The following RANBP2 variants were observed in gnomAD, a reference collection of about 807,000 sequenced individuals.
The protein encoded by RANBP2 is RAN binding protein 2.
A neutral mutation model predicts 303.6 loss-of-function variants in RANBP2; 57 were observed. The observed-to-expected ratio is 0.19, with a 90% CI of 0.15 to 0.23. The LOEUF (loss-of-function observed/expected upper bound fraction) is 0.23, where lower values mean the gene tolerates loss of function less well. RANBP2 is among the 10% of genes least tolerant of loss of function. The pLI, the probability that RANBP2 is intolerant of heterozygous loss-of-function variation, is 1.00. For missense variants in RANBP2, 3,138 were observed against 3,780.8 expected (o/e 0.83, Z 4.46); for synonymous variants, 1,167 against 1,301.5 (o/e 0.90, Z 2.23).
the RANBP2 span, among the ~76,000 whole-genome samples, chr2:108,822,462 A>G: frequency 7.9e-5 from 12 of 152,210 alleles, 1 homozygote; most frequent in Admixed American, 5.9e-4. Context: ...TCTGTCAGAC[A>G]TATACAGAAC....
At position 108,783,703 on chromosome 2, in the gene RANBP2, C is replaced by T; in HGVS notation, c.9477C>T (p.Ser3159=). The T allele has an allele frequency of 6.2e-7, 1 of 1,610,986 alleles. No individual in the cohort carries two copies. The highest frequency in any genetic ancestry group is 2.2e-5 in the East Asian group (1 of 44,820). Reference sequence around the variant, plus strand: ...AACATACTGGTCCTGGTTTACTATCCATGGCCAATCAAGGCCAGAATACCA... The same window carrying T: ...AACATACTGGTCCTGGTTTACTATCTATGGCCAATCAAGGCCAGAATACCA... ...DVKHTGPGLL[S]MANQGQNTNN... Residue 3159 remains serine, a synonymous_variant, in exon 29 of 29, where the codon TCC becomes TCT. Transcript: ENST00000283195.
At chr2:109,672,542 A>G in the RANBP2 span, among the ~76,000 whole-genome samples, 1 of 152,172 alleles carries the variant, frequency 6.6e-6, no homozygotes, top group East Asian at 1.9e-4. Flanking sequence ...GTCTTTAAGA[A>G]CCTGCAGTGT....
At chr2:109,689,648 A>G in the RANBP2 span, among the ~76,000 whole-genome samples, 2 of 152,072 alleles carry the variant, frequency 1.3e-5, no homozygotes, top group Non-Finnish European at 2.9e-5. Context: ...TTTTCCCGCT[A>G]CATTCTGGTT....
the RANBP2 span, among the ~76,000 whole-genome samples, chr2:109,316,499 A>T: frequency 0.31 from 47,377 of 151,976 alleles, 9,141 homozygotes; most frequent in African/African-American, 0.55. Flanking sequence ...CATGGAGAGA[A>T]CTTATCACTC....
At chr2:109,512,722 G>C in the RANBP2 span, among the ~76,000 whole-genome samples, 1 of 152,142 alleles carries the variant, frequency 6.6e-6, no homozygotes, top group African/African-American at 2.4e-5. Context: ...CCCTCAGGTA[G>C]CATCTTTGAC....
the RANBP2 span, among the ~76,000 whole-genome samples, chr2:109,103,482 CGGGTG>C: frequency 1.1e-4 from 17 of 152,060 alleles, no homozygotes; most frequent in African/African-American, 4.1e-4. Flanking sequence ...AACTGGAAGG[CGGGTG>C]GGGTGGGGGC....
the RANBP2 span, among the ~76,000 whole-genome samples, chr2:109,608,610 G>A: frequency 6.6e-6 from 1 of 152,140 alleles, no homozygotes; most frequent in Non-Finnish European, 1.5e-5. Context: ...TTTACTAAAA[G>A]TAATACCAAC....
the RANBP2 span, among the ~76,000 whole-genome samples, chr2:109,654,783 G>C: frequency 6.6e-5 from 10 of 152,170 alleles, no homozygotes; most frequent in Non-Finnish European, 8.8e-5. Context: ...GACACATCTG[G>C]CATAGGAATG....
chr2:108,740,652 G>T lies in RANBP2; in HGVS notation c.946G>T (p.Ala316Ser), dbSNP rs757500399. The T allele has an allele frequency of 6.3e-7, 1 of 1,597,520 alleles. No homozygotes were observed. Among genetic ancestry groups the T allele is most frequent in the South Asian group, 1.1e-5 (1 of 90,984 alleles). Residue 316 changes from alanine to serine, a missense_variant, in exon 7 of 29, where the codon GCT becomes TCT. Physicochemically the swap from Ala to Ser is moderately conservative, Grantham distance 99. This residue lies in a region of RANBP2 where 306 missense variants were observed against 381.9 expected (regional missense o/e 0.80). Transcript: ENST00000283195. Reference protein sequence around the residue: ...NVQWRALSELAALCYLIAFQV... With the variant: ...NVQWRALSELSALCYLIAFQV... ...TCAATGGCGAGCTCTTTCTGAGCTG[G>T]CTGCATTGTGCTATCTCATAGCATT...
the RANBP2 span, among the ~76,000 whole-genome samples, chr2:109,261,940 T>C: frequency 6.6e-6 from 1 of 152,176 alleles, no homozygotes; most frequent in African/African-American, 2.4e-5. Context: ...AGATCTTTAC[T>C]GGATGTGTAG....
At chr2:109,270,921 C>T in the RANBP2 span, among the ~76,000 whole-genome samples, 3 of 152,234 alleles carry the variant, frequency 2.0e-5, no homozygotes, top group Non-Finnish European at 4.4e-5. Flanking sequence ...AGGAGGGAGA[C>T]ACCAGCGGGG....
the RANBP2 span, among the ~76,000 whole-genome samples, chr2:109,237,743 G>A: frequency 1.3e-5 from 2 of 152,118 alleles, no homozygotes; most frequent in Admixed American, 6.5e-5. Flanking sequence ...CTTTGATTTA[G>A]CGATGACATC....
chr2:108,998,495 T>G, the RANBP2 span, among the ~76,000 whole-genome samples: 1 of 152,206 alleles, frequency 6.6e-6, no homozygotes, highest in Non-Finnish European at 1.5e-5. Context: ...CCTCCTCGTT[T>G]CCTGAATCAG....
chr2:109,613,816 G>T, the RANBP2 span: 24 of 1,235,424 alleles, frequency 1.9e-5, no homozygotes, highest in Non-Finnish European at 2.3e-5. Context: ...GCGCCACCTC[G>T]GAGGAGGCCA....
chr2:109,284,020 G>A, the RANBP2 span, among the ~76,000 whole-genome samples: 3 of 152,176 alleles, frequency 2.0e-5, no homozygotes, highest in African/African-American at 4.8e-5. Context: ...TAGGAAAGCC[G>A]AGGGGAGGGT....
the RANBP2 span, among the ~76,000 whole-genome samples, chr2:109,060,788 T>C: frequency 6.6e-6 from 1 of 152,232 alleles, no homozygotes; most frequent in Non-Finnish European, 1.5e-5. Context: ...GGTCTTTAAC[T>C]ACCTTCTCAC....
the RANBP2 span, among the ~76,000 whole-genome samples, chr2:109,173,118 T>A: frequency 6.6e-6 from 1 of 152,278 alleles, no homozygotes; most frequent in South Asian, 2.1e-4. Flanking sequence ...TGAACATCTT[T>A]TTTTAACTCA....
At chr2:109,333,946 A>T in the RANBP2 span, among the ~76,000 whole-genome samples, 2 of 152,246 alleles carry the variant, frequency 1.3e-5, no homozygotes, top group African/African-American at 4.8e-5. Flanking sequence ...TAATGAGGAC[A>T]TGCTCAGAGT....
the RANBP2 span, among the ~76,000 whole-genome samples, chr2:108,902,489 T>C: frequency 6.6e-6 from 1 of 152,228 alleles, no homozygotes; most frequent in Non-Finnish European, 1.5e-5. Context: ...TTCTACACGA[T>C]CTTTTCTAGA....
Sources: allele counts gnomAD v4.1 joint callset (sites outside exome capture counted in the v4.1 genomes callset), GRCh38; gene constraint gnomAD v4.1.1; regional missense constraint gnomAD v4.1.1; transcripts MANE v1.5; gene names NCBI Gene and HGNC (gene_info 2026-07-23, HGNC 2026-07-21).